The following ANKRD52 variants were observed in gnomAD, a reference collection of about 807,000 sequenced individuals.
The protein encoded by ANKRD52 is ankyrin repeat domain 52.
In ANKRD52, 7 loss-of-function variants were observed where a neutral mutation model predicts 116.0. That is an observed-to-expected ratio of 0.06 (90% CI 0.03 to 0.11). ANKRD52 has a LOEUF of 0.11. Among genes scored for constraint, ANKRD52 ranks in the 10% least tolerant of loss-of-function variants. The pLI is 1.00. For missense variants in ANKRD52, 839 were observed against 1,408.6 expected (o/e 0.60, Z 6.47); for synonymous variants, 528 against 578.1 (o/e 0.91, Z 1.24).
chr12:56,254,900 T>C lies in ANKRD52; in HGVS notation c.515A>G (p.Lys172Arg). 6.2e-7 allele frequency: 1 copy of C among 1,613,602 alleles called. No individual in the cohort carries two copies. The highest frequency in any genetic ancestry group is 8.5e-7 in the Non-Finnish European group (1 of 1,179,502). Residue 172 changes from lysine to arginine, a missense_variant, in exon 6 of 28, where the codon AAG becomes AGG. By Grantham distance (26) the Lys-to-Arg change is conservative (BLOSUM62 2). This residue lies in a region of ANKRD52 where 287 missense variants were observed against 598.1 expected (regional missense o/e 0.48). Transcript: ENST00000267116. The surrounding 1 kb of genome is among the most constrained non-coding windows in gnomAD (Gnocchi z 4.6). Reference protein sequence around the residue: ...KGASLNVCDKKERQPLHWAAF... With the variant: ...KGASLNVCDKRERQPLHWAAF... ...TGCCCAATGCAGAGGCTGCCGCTCC[T>C]TTTTGTCACAGACATTCAGGCTGGC...
rs978655886 is a variant in ANKRD52 at position 56,248,367 on chromosome 12, G to A, written c.1776+128C>T. 4 of 1,399,190 alleles carry A rather than the reference G, an allele frequency of 2.9e-6. No individual in the cohort carries two copies. In the Admixed American group the frequency reaches 7.7e-5, roughly 27 times the overall value. The allele number at this position is 1,399,190 out of a possible 1,614,324, so 86.7% of individuals were successfully genotyped here. A position where few individuals can be genotyped will look rare whatever the true frequency, so the allele number is the denominator to read the frequency against. On this transcript the variant is annotated intron_variant, in intron 17 of 27. Transcript: ENST00000267116. The surrounding 1 kb of genome is among the most constrained non-coding windows in gnomAD (Gnocchi z 5.1). ...TGGGCCCCTTAAGGCTTCCTACCCT[G>A]CACTGTGCTTATCCCCTCTCCCACA...
At position 56,253,378 on chromosome 12, in the gene ANKRD52, T is replaced by G; in HGVS notation, c.1010A>C (p.Lys337Thr). The change falls in exon 10 of 28, where the codon AAA becomes ACA. Residue 337 changes from lysine (K) to threonine (T), a missense_variant. Lys to Thr is a moderately conservative substitution (Grantham distance 78). Coordinates refer to ENST00000267116, the MANE Select transcript of ANKRD52 (RefSeq NM_173595.4). The surrounding 1 kb of genome is among the most constrained non-coding windows in gnomAD (Gnocchi z 5.5). The part of the protein sequence containing the change: ...QNGSEIDCAD[K>T]FGNTPLHVAA... ...CACATGCAGTGGCGTGTTCCCAAAT[T>G]TGTCGGCACAATCAATCTCGCTGCC... The G allele has an allele frequency of 6.2e-7, 1 of 1,613,884 alleles. No homozygotes were observed. Among genetic ancestry groups the G allele is most frequent in the Non-Finnish European group, 8.5e-7 (1 of 1,179,840 alleles).
At position 56,252,029 on chromosome 12, in the gene ANKRD52, C is replaced by T. The variant is rs1871719718; in HGVS notation, c.1578G>A (p.Arg526=). 6.2e-7 allele frequency: 1 copy of T among 1,613,752 alleles called. No homozygotes were observed. The highest frequency in any genetic ancestry group is 8.5e-7 in the Non-Finnish European group (1 of 1,179,872). The part of the protein sequence containing the change: ...EEDEPLKESR[R]KEAFFCLEFL... ...CTGCTACTCACAAGAAGGCCTCCTT[C>T]CTGCGGGACTCCTTCAGTGGCTCGT... Residue 526 remains arginine, a synonymous_variant, in exon 15 of 28, where the codon AGG becomes AGA. Coordinates refer to ENST00000267116, the MANE Select transcript of ANKRD52 (RefSeq NM_173595.4). The surrounding 1 kb of genome is among the most constrained non-coding windows in gnomAD (Gnocchi z 4.7).
At position 56,252,284 on chromosome 12, in the gene ANKRD52, T is replaced by G; in HGVS notation, c.1402A>C (p.Ser468Arg). 6.2e-7 allele frequency: 1 copy of G among 1,613,954 alleles called. No individual in the cohort carries two copies. Among genetic ancestry groups the G allele is most frequent in the Non-Finnish European group, 8.5e-7 (1 of 1,179,884 alleles). Residue 468 changes from serine (S) to arginine (R), a missense_variant, in exon 14 of 28, where the codon AGC becomes CGC. Ser to Arg is a moderately radical substitution (Grantham distance 110). This residue lies in a region of ANKRD52 where 552 missense variants were observed against 810.6 expected (regional missense o/e 0.68). Coordinates refer to ENST00000267116, the MANE Select transcript of ANKRD52 (RefSeq NM_173595.4). The surrounding 1 kb of genome is among the most constrained non-coding windows in gnomAD (Gnocchi z 4.7). Reference protein sequence around the residue: ...TPLHYAAANGSYQCAVTLVTA... With the variant: ...TPLHYAAANGRYQCAVTLVTA... ...ACCAATGTTACTGCACACTGGTAGC[T>G]ACCGTTAGCAGCTGCATAGTGCAGT...
chr12:56,248,207 A>G lies in ANKRD52; in HGVS notation c.1794T>C (p.Cys598=). Residue 598 remains cysteine (C), a synonymous_variant, in exon 18 of 28, where the codon TGT becomes TGC. Transcript: ENST00000267116. This position sits in a 1 kb window ranked among gnomAD's most constrained non-coding sequence, Gnocchi z 5.1. The stretch of plus-strand genomic sequence containing the variant: ...TCTCCGCCAGCGTCTTCAAGGCTTC[A>G]CAGTGACCGTTGTAGGCCTGGCAAG... ...PLHLAAYNGH[C]EALKTLAETL... 1.2e-6 allele frequency: 2 copies of G among 1,613,844 alleles called. No homozygotes were observed. The highest frequency in any genetic ancestry group is 1.7e-6 in the Non-Finnish European group (2 of 1,179,908).
In ANKRD52 at chr12:56,247,567, C is replaced by T. The variant is rs1289886162; in HGVS notation, c.2110G>A (p.Val704Ile). ...LAIMNGHVDCVHLLLEKGSTA... is the reference protein window; with the variant it reads ...LAIMNGHVDCIHLLLEKGSTA... ...GATCCTTTCTCTAGCAGCAGATGTA[C>T]ACAGTCCACATGGCCATTCATGATG... Residue 704 changes from valine to isoleucine, a missense_variant, in exon 20 of 28, where the codon GTA (valine) becomes ATA (isoleucine). Around this residue, in one of 2 missense-constraint regions of ANKRD52, gnomAD observed 552 missense variants for 810.6 expected, o/e 0.68. Transcript: ENST00000267116. 6.3e-7 allele frequency: 1 copy of T among 1,595,798 alleles called. No homozygotes were observed. Among genetic ancestry groups the T allele is most frequent in the African/African-American group, 1.3e-5 (1 of 74,724 alleles).
At position 56,242,231 on chromosome 12, in the gene ANKRD52, G is replaced by A; in HGVS notation, c.*911C>T. On this transcript the variant is annotated 3_prime_UTR_variant, in exon 28 of 28. Coordinates refer to ENST00000267116, the MANE Select transcript of ANKRD52 (RefSeq NM_173595.4). This position sits in a 1 kb window ranked among gnomAD's most constrained non-coding sequence, Gnocchi z 4.3. Reference sequence around the variant, plus strand: ...CATACTAGGGCTGTGGTTTTGAAATGGGCAGGAAATTAATTTGTTTCTTCC... The same window carrying A: ...CATACTAGGGCTGTGGTTTTGAAATAGGCAGGAAATTAATTTGTTTCTTCC... 3 of 398,510 alleles carry A rather than the reference G, an allele frequency of 7.5e-6. No homozygotes were observed. The Admixed American group carries it at 1.3e-4, about 18-fold the overall frequency. 24.7% of individuals were successfully genotyped at this position (398,510 alleles called of 1,614,324 possible). A position where few individuals can be genotyped will look rare whatever the true frequency, so the allele number is the denominator to read the frequency against.
At chr12:56,247,354 AAAAAAAAAAAG>A (rs1253697209) in intron 20 of ANKRD52, 128 bp downstream of exon 20, 1 of 741,574 alleles carries the variant, frequency 1.3e-6, no homozygotes, top group African/African-American at 1.8e-5. Context: ...CTCAAAAAAA[AAAAAAAAAAAG>A]AAAAAGAAAA....
chr12:56,254,556 C>T lies in ANKRD52; in HGVS notation c.693+22G>A. ...CCTACTTGCTGCCCATAGTTCCCAA[C>T]CCCAGAGCTCAAAGCCCTGACCTCC... On this transcript the variant is annotated intron_variant, in intron 7 of 27. Transcript: ENST00000267116. The surrounding 1 kb of genome is among the most constrained non-coding windows in gnomAD (Gnocchi z 4.6). The T allele has an allele frequency of 6.2e-7, 1 of 1,611,388 alleles. No homozygotes were observed. The highest frequency in any genetic ancestry group is 8.5e-7 in the Non-Finnish European group (1 of 1,178,838).
chr12:56,244,062 A>C lies in ANKRD52; in HGVS notation c.2877T>G (p.Ser959Arg). 6.2e-7 allele frequency: 1 copy of C among 1,613,850 alleles called. No homozygotes were observed. Among genetic ancestry groups the C allele is most frequent in the Non-Finnish European group, 8.5e-7 (1 of 1,179,880 alleles). The change falls in exon 26 of 28, where the codon AGT becomes AGG. Residue 959 changes from serine (S) to arginine (R), a missense_variant. This residue lies in a region of ANKRD52 where 552 missense variants were observed against 810.6 expected (regional missense o/e 0.68). Transcript: ENST00000267116. This position sits in a 1 kb window ranked among gnomAD's most constrained non-coding sequence, Gnocchi z 4.9. Reference sequence around the variant, plus strand: ...CCCCAGGCACTCACATCTGCAGCGCACTGTTGGTAGCATTGATAAGGCCAA... The same window carrying C: ...CCCCAGGCACTCACATCTGCAGCGCCCTGTTGGTAGCATTGATAAGGCCAA... ...QDLGLINATN[S>R]ALQMPLHIAA...
chr12:56,248,785 A>G lies in ANKRD52; in HGVS notation c.1678T>C (p.Tyr560His). 1 of 1,610,670 alleles carries G rather than the reference A, an allele frequency of 6.2e-7. No individual in the cohort carries two copies. Among genetic ancestry groups the G allele is most frequent in the Non-Finnish European group, 8.5e-7 (1 of 1,178,318 alleles). Reference sequence around the variant, plus strand: ...AGTTCGAGGTTCTGTCTGTTGCCATAGGCGGCTGCATAGTGCACAGCTGTG... The same window carrying G: ...AGTTCGAGGTTCTGTCTGTTGCCATGGGCGGCTGCATAGTGCACAGCTGTG... ...GYTAVHYAAAYGNRQNLELLL... is the reference protein window; with the variant it reads ...GYTAVHYAAAHGNRQNLELLL... Residue 560 changes from tyrosine to histidine, a missense_variant, in exon 16 of 28, where the codon TAT becomes CAT. By Grantham distance (83) the Tyr-to-His change is moderately conservative. This residue lies in a region of ANKRD52 where 552 missense variants were observed against 810.6 expected (regional missense o/e 0.68). Coordinates refer to ENST00000267116, the MANE Select transcript of ANKRD52 (RefSeq NM_173595.4). The surrounding 1 kb of genome is among the most constrained non-coding windows in gnomAD (Gnocchi z 5.1).
Position 56,243,746 on chromosome 12 carries a change from C to A in ANKRD52, c.2980+39G>T. 1 of 1,539,516 alleles carries A rather than the reference C, an allele frequency of 6.5e-7. No individual in the cohort carries two copies. The highest frequency in any genetic ancestry group is 1.2e-5 in the South Asian group (1 of 83,660). ...ACCTCCTGAAGAATGTCCCTGACCC[C>A]AAACCCAAGAGAGGCATGGGGCCCC... On this transcript the variant is annotated intron_variant, in intron 27 of 27. Coordinates refer to ENST00000267116, the MANE Select transcript of ANKRD52 (RefSeq NM_173595.4). The surrounding 1 kb of genome is among the most constrained non-coding windows in gnomAD (Gnocchi z 4.6).
chr12:56,248,495 A>C lies in ANKRD52; in HGVS notation c.1776T>G (p.Ala592=). 2 of 1,592,556 alleles carry C rather than the reference A, an allele frequency of 1.3e-6. No homozygotes were observed. Among genetic ancestry groups the C allele is most frequent in the Non-Finnish European group, 8.6e-7 (1 of 1,169,566 alleles). The change falls in exon 17 of 28, where the codon GCT becomes GCG. Residue 592 remains alanine, a splice_region_variant and synonymous_variant. Transcript: ENST00000267116. The surrounding 1 kb of genome is among the most constrained non-coding windows in gnomAD (Gnocchi z 5.1). ...STIPVSPLHL[A]AYNGHCEALK... The stretch of plus-strand genomic sequence containing the variant: ...AACAGAAAAAAGACGTGGGACTCAC[A>C]GCTAAGTGCAAAGGGCTGACTGGAA...
rs1347750001 is a variant in ANKRD52 at position 56,244,882 on chromosome 12, C to A, written c.2576+24G>T. 6.2e-7 allele frequency: 1 copy of A among 1,613,830 alleles called. No homozygotes were observed. Among genetic ancestry groups the A allele is most frequent in the African/African-American group, 1.3e-5 (1 of 74,914 alleles). On this transcript the variant is annotated intron_variant, in intron 23 of 27. Coordinates refer to ENST00000267116, the MANE Select transcript of ANKRD52 (RefSeq NM_173595.4). The surrounding 1 kb of genome is among the most constrained non-coding windows in gnomAD (Gnocchi z 4.9). ...GGGGAAGCCAGAGGCAACTGGGATT[C>A]TTCCCAAGTCTTCCATCACTCACCG...
Position 56,240,045 on chromosome 12 carries a change from C to T in ANKRD52, c.*3097G>A, listed in dbSNP as rs1414167862. ...ACAGCACCAAACAAAAGGAGAAGCCCCCTCCCCCAGGGGCTGCTCCCCACC... is the reference window on the plus strand; with the variant it reads ...ACAGCACCAAACAAAAGGAGAAGCCTCCTCCCCCAGGGGCTGCTCCCCACC... On this transcript the variant is annotated 3_prime_UTR_variant, in exon 28 of 28. Transcript: ENST00000267116. The surrounding 1 kb of genome is among the most constrained non-coding windows in gnomAD (Gnocchi z 4.2). 1 of 152,118 alleles carries T rather than the reference C, an allele frequency of 6.6e-6. No individual in the cohort carries two copies. The highest frequency in any genetic ancestry group is 1.5e-5 in the Non-Finnish European group (1 of 68,096). The allele number at this position is 152,118 out of a possible 1,614,324, so 9.4% of individuals were successfully genotyped here. A position where few individuals can be genotyped will look rare whatever the true frequency, so the allele number is the denominator to read the frequency against.
rs1020161644 is a variant in ANKRD52 at position 56,258,246 on chromosome 12, G to A, written c.24C>T (p.Asp8=). MGILSIT[D]QPPLVQAIFS... ...GGGAAAGGGCAGGAGGGCTGACCTG[G>A]TCCGTGATGCTGAGGATCCCCATGG... is the stretch of plus-strand genomic sequence containing the variant. The change falls in exon 1 of 28, where the codon GAC becomes GAT. Residue 8 remains aspartate, a synonymous_variant. Transcript: ENST00000267116. 10 of 1,600,600 alleles carry A rather than the reference G, an allele frequency of 6.2e-6. No homozygotes were observed. The highest frequency in any genetic ancestry group is 1.3e-5 in the African/African-American group (1 of 74,488).
At chr12:56,251,579 T>G (rs1005509822) in intron 15 of ANKRD52, among the ~76,000 whole-genome samples, 1 of 152,060 alleles carries the variant, frequency 6.6e-6, no homozygotes, top group Non-Finnish European at 1.5e-5. Flanking sequence ...GCACAGTACT[T>G]GGAACCTAGT....
chr12:56,255,044 G>A lies in ANKRD52; in HGVS notation c.463-92C>T. 2 of 1,370,400 alleles carry A rather than the reference G, an allele frequency of 1.5e-6. No homozygotes were observed. Among genetic ancestry groups the A allele is most frequent in the Non-Finnish European group, 2.1e-6 (2 of 973,978 alleles). The allele number at this position is 1,370,400 out of a possible 1,614,324, so 84.9% of individuals were successfully genotyped here. On this transcript the variant is annotated intron_variant, in intron 5 of 27. Coordinates refer to ENST00000267116, the MANE Select transcript of ANKRD52 (RefSeq NM_173595.4). The surrounding 1 kb of genome is among the most constrained non-coding windows in gnomAD (Gnocchi z 4.3). ...AGGCCTCATCTCCTGAAAAGGCTGAGGCAGCCTAATGCCTTTTTCCATGAG... is the reference window on the plus strand; with the variant it reads ...AGGCCTCATCTCCTGAAAAGGCTGAAGCAGCCTAATGCCTTTTTCCATGAG...
chr12:56,258,220 C>T, intron 1 of ANKRD52, 23 bp downstream of exon 1: 5 of 1,598,364 alleles, frequency 3.1e-6, no homozygotes, highest in Non-Finnish European at 4.3e-6. Context: ...AAGGAGGAAG[C>T]GGGAAAGGGC....
Sources: allele counts gnomAD v4.1 joint callset (sites outside exome capture counted in the v4.1 genomes callset), GRCh38; gene constraint gnomAD v4.1.1; regional missense constraint gnomAD v4.1.1; non-coding constraint Gnocchi (gnomAD v3.1); transcripts MANE v1.5; gene names NCBI Gene and HGNC (gene_info 2026-07-23, HGNC 2026-07-21).